Variants in PAPPA2 observed in about 807,000 individuals in gnomAD.
PAPPA2 encodes the protein pappalysin-2.
A neutral mutation model predicts 176.4 loss-of-function variants in PAPPA2; 86 were observed. The ratio of observed to expected loss-of-function variants is 0.49; its 90% CI spans 0.41 to 0.58. The LOEUF (loss-of-function observed/expected upper bound fraction) is 0.58, where lower values mean the gene tolerates loss of function less well. Ranked by LOEUF, PAPPA2 falls within the 20% of genes least tolerant of loss-of-function variation. The probability of loss-of-function intolerance (pLI) is 0.00; values close to 1 mark genes in which losing one functional copy is unlikely to be tolerated. For missense variants in PAPPA2, 2,073 were observed against 2,256.9 expected (o/e 0.92, Z 1.65); for synonymous variants, 809 against 852.2 (o/e 0.95, Z 0.88).
At position 176,793,546 on chromosome 1, in the gene PAPPA2, T is replaced by C; in HGVS notation, c.5021-14T>C. On this transcript the variant is annotated splice_polypyrimidine_tract_variant and intron_variant, in intron 19 of 22. Transcript: ENST00000367662. ...GGAAGTTCAAGTCTCTGCTGTAAAC[T>C]TCTGTTCTTTCAGGTGCAGTGTGTT... 1.3e-6 allele frequency: 2 copies of C among 1,588,678 alleles called. No individual in the cohort carries two copies. Among genetic ancestry groups the C allele is most frequent in the Non-Finnish European group, 8.6e-7 (1 of 1,158,374 alleles).
At chr1:176,483,255 T>C (rs1268756610) in intron 1 of PAPPA2, among the ~76,000 whole-genome samples, 1 of 152,076 alleles carries the variant, frequency 6.6e-6, no homozygotes, top group East Asian at 1.9e-4. Flanking sequence ...GAAGCGACAC[T>C]AGTGATCTGA....
At position 176,691,286 on chromosome 1, in the gene PAPPA2, A is replaced by T. The variant is rs1379235062; in HGVS notation, c.2432-840A>T. ...AGGTTCTTCTAGAACTATCCAAAAA[A>T]GAATAAACCACCACACCCTGGTCAT... is the stretch of plus-strand genomic sequence containing the variant. On this transcript the variant is annotated intron_variant, in intron 5 of 22. Coordinates refer to ENST00000367662, the MANE Select transcript of PAPPA2 (RefSeq NM_020318.3). The T allele has an allele frequency of 1.2e-5, 7 of 574,098 alleles. No individual in the cohort carries two copies. In the South Asian group the frequency reaches 3.7e-4, roughly 31 times the overall value. The allele number at this position is 574,098 out of a possible 1,614,324, so 35.6% of individuals were successfully genotyped here. A position where few individuals can be genotyped will look rare whatever the true frequency, so the allele number is the denominator to read the frequency against.
chr1:176,813,237 T>G (rs929351635), intron 21 of PAPPA2, among the ~76,000 whole-genome samples: 1 of 152,298 alleles, frequency 6.6e-6, no homozygotes, highest in East Asian at 1.9e-4. Context: ...TTGTGAATAG[T>G]GCTGCAATGA....
chr1:176,662,207 C>T (rs1658395881), intron 3 of PAPPA2, among the ~76,000 whole-genome samples: 1 of 152,130 alleles, frequency 6.6e-6, no homozygotes, highest in African/African-American at 2.4e-5. Flanking sequence ...GGGGAAGACA[C>T]TTTACCTCTG....
intron 17 of PAPPA2, among the ~76,000 whole-genome samples, chr1:176,774,474 C>A (rs1346039557): frequency 6.6e-6 from 1 of 152,152 alleles, no homozygotes; most frequent in East Asian, 1.9e-4. Context: ...CGGGTGCCTG[C>A]ACATCACCTG....
At chr1:176,665,684 C>T (rs910640996) in intron 3 of PAPPA2, among the ~76,000 whole-genome samples, 8 of 152,140 alleles carry the variant, frequency 5.3e-5, no homozygotes, top group African/African-American at 1.9e-4. Flanking sequence ...CTTCTCTTGT[C>T]CTTGATTTTT....
At chr1:176,822,467 A>T (rs1666702626) in intron 21 of PAPPA2, among the ~76,000 whole-genome samples, 1 of 152,142 alleles carries the variant, frequency 6.6e-6, no homozygotes. Context: ...AACTCCCACA[A>T]ATTTGATTGA....
At chr1:176,535,800 T>A (rs7525888) in intron 1 of PAPPA2, among the ~76,000 whole-genome samples, 21,315 of 152,260 alleles carry the variant, frequency 0.14, 1,676 homozygotes, top group African/African-American at 0.19. Flanking sequence ...TTGCCTTTCA[T>A]ATTTTTGTGA....
At chr1:176,752,309 A>T (rs576112982) in intron 14 of PAPPA2, among the ~76,000 whole-genome samples, 49 of 136,944 alleles carry the variant, frequency 3.6e-4, no homozygotes, top group African/African-American at 1.3e-3. Flanking sequence ...AACCTGCACA[A>T]TGTGCACATG....
chr1:176,698,584 G>T (rs941570056), intron 7 of PAPPA2, among the ~76,000 whole-genome samples: 2 of 152,130 alleles, frequency 1.3e-5, no homozygotes, highest in African/African-American at 4.8e-5. Context: ...TGAACTGAAA[G>T]GGAAATTTCA....
At chr1:176,840,110 T>A in intron 21 of PAPPA2, 63 bp from the exon 22 acceptor site, 1 of 1,300,798 alleles carries the variant, frequency 7.7e-7, no homozygotes, top group Non-Finnish European at 1.1e-6. Context: ...ATGGGAGGAG[T>A]GGCAGAGTCA....
At chr1:176,756,581 A>G (rs754541940) in intron 14 of PAPPA2, among the ~76,000 whole-genome samples, 9 of 152,200 alleles carry the variant, frequency 5.9e-5, no homozygotes, top group East Asian at 1.9e-4. Flanking sequence ...CAGAGATTTT[A>G]TAATCTATGT....
chr1:176,610,577 C>A (rs1654861447), intron 3 of PAPPA2, among the ~76,000 whole-genome samples: 1 of 152,046 alleles, frequency 6.6e-6, no homozygotes, highest in Non-Finnish European at 1.5e-5. Flanking sequence ...AGGAGATGCT[C>A]CCCCTAGACA....
chr1:176,660,885 C>T (rs1046652223), intron 3 of PAPPA2, among the ~76,000 whole-genome samples: 1 of 152,038 alleles, frequency 6.6e-6, no homozygotes, highest in African/African-American at 2.4e-5. Context: ...ACATTGAGCT[C>T]ACTAATTTAT....
At chr1:176,769,480 A>AAGGCAAAATAAT in intron 15 of PAPPA2, 127 bp from the exon 16 acceptor site, 1 of 998,974 alleles carries the variant, frequency 1.0e-6, no homozygotes. Context: ...AAGAGGGAGA[A>AAGGCAAAATAAT]AGGCAAAATA....
At chr1:176,777,113 T>G (rs1664488697) in intron 17 of PAPPA2, among the ~76,000 whole-genome samples, 2 of 152,146 alleles carry the variant, frequency 1.3e-5, no homozygotes, top group Non-Finnish European at 2.9e-5. Context: ...ATTGAGTGAT[T>G]TCTAGCTCCA....
chr1:176,642,533 C>T (rs1359871554), intron 3 of PAPPA2, among the ~76,000 whole-genome samples: 2 of 151,850 alleles, frequency 1.3e-5, no homozygotes, highest in Middle Eastern at 6.8e-3. Flanking sequence ...ATAAGAAAGA[C>T]CAGAGTTTGG....
chr1:176,688,718 T>C (rs960785402), intron 4 of PAPPA2, among the ~76,000 whole-genome samples: 4 of 152,160 alleles, frequency 2.6e-5, no homozygotes, highest in Non-Finnish European at 5.9e-5. Flanking sequence ...TCGAGTAAAC[T>C]GGGAGACTGG....
intron 12 of PAPPA2, among the ~76,000 whole-genome samples, chr1:176,729,045 G>GT (rs915980458): frequency 6.6e-6 from 1 of 151,674 alleles, no homozygotes; most frequent in East Asian, 1.9e-4. Context: ...AAGCATTTAG[G>GT]TTTTTTTCTC....
Sources: gnomAD v4.1 joint callset for allele counts (sites outside exome capture counted in the v4.1 genomes callset) on GRCh38, gnomAD v4.1.1 for gene constraint, MANE v1.5 for transcripts, NCBI Gene and HGNC (gene_info 2026-07-23, HGNC 2026-07-21) for gene names.